Variants in NRXN1 observed in about 807,000 individuals in gnomAD.
NRXN1 encodes neurexin 1.
In NRXN1, 39 loss-of-function variants were observed where a neutral mutation model predicts 150.9. That is an observed-to-expected ratio of 0.26 (90% CI 0.20 to 0.34). NRXN1 has a LOEUF of 0.34. Among genes scored for constraint, NRXN1 ranks in the 10% least tolerant of loss-of-function variants. The pLI, the probability that NRXN1 is intolerant of heterozygous loss-of-function variation, is 1.00. For missense variants in NRXN1, 1,815 were observed against 1,949.9 expected, an observed-to-expected ratio of 0.93 and a Z score of 1.30; for synonymous variants, 924 against 757.0, an observed-to-expected ratio of 1.22 and a Z score of -3.62.
Position 51,021,693 on chromosome 2 carries a change from G to A in NRXN1, c.772+5809C>T, listed in dbSNP as rs1236579405. 3.3e-5 allele frequency among the ~76,000 whole-genome samples: 5 copies of A among 152,010 alleles called. No individual in the cohort carries two copies. In the East Asian group the frequency reaches 5.8e-4, roughly 18 times the overall value. On this transcript the variant is annotated intron_variant, in intron 2 of 22. Transcript: ENST00000401669. Reference sequence around the variant, plus strand: ...ATGTGTAAATAACTTTAATGTATAAGAGAGTCTCAAAGACAAGTTATAAAT... The same window carrying A: ...ATGTGTAAATAACTTTAATGTATAAAAGAGTCTCAAAGACAAGTTATAAAT...
intron 5 of NRXN1, among the ~76,000 whole-genome samples, chr2:50,908,935 C>T (rs1025183778): frequency 6.0e-4 from 91 of 151,976 alleles, no homozygotes; most frequent in African/African-American, 2.1e-3. Flanking sequence ...CCATGCTCTT[C>T]GACTTCCCAG....
chr2:50,854,399 T>C (rs1256308546), intron 5 of NRXN1, among the ~76,000 whole-genome samples: 2 of 151,974 alleles, frequency 1.3e-5, no homozygotes, highest in African/African-American at 4.8e-5. Context: ...AAAATACTAG[T>C]AAAACCCAAT....
Position 50,844,149 on chromosome 2 carries a change from T to G in NRXN1, c.832+77720A>C, listed in dbSNP as rs149647044. ...TACTAGTCTTGCAAGATCGGGTGTC[T>G]GGTGAGCAGGCACATCCAGGCAGTC... On this transcript the variant is annotated intron_variant, in intron 5 of 22. Coordinates refer to ENST00000401669, the MANE Select transcript of NRXN1 (RefSeq NM_001330078.2). Among the ~76,000 whole-genome samples the G allele has an allele frequency of 6.7e-4, 102 of 152,262 alleles. 1 individual carries two copies. In the East Asian group the frequency reaches 0.019, roughly 29 times the overall value.
intron 9 of NRXN1, among the ~76,000 whole-genome samples, chr2:50,541,580 G>T (rs2093389963): frequency 6.6e-6 from 1 of 152,142 alleles, no homozygotes; most frequent in African/African-American, 2.4e-5. Flanking sequence ...TGTGCTTGAT[G>T]ATATGGACAG....
chr2:50,995,648 G>A (rs1699165403), intron 2 of NRXN1, among the ~76,000 whole-genome samples: 1 of 150,940 alleles, frequency 6.6e-6, no homozygotes, highest in South Asian at 2.1e-4. Flanking sequence ...TAGACCTCAG[G>A]GTACTGTATT....
intron 21 of NRXN1, among the ~76,000 whole-genome samples, chr2:49,983,282 C>G (rs1019813730): frequency 6.6e-6 from 1 of 152,130 alleles, no homozygotes; most frequent in Non-Finnish European, 1.5e-5. Context: ...CAGCTTCTAG[C>G]ACAGGGGCTG....
chr2:50,687,062 C>T (rs1691340723), intron 5 of NRXN1, among the ~76,000 whole-genome samples: 1 of 152,158 alleles, frequency 6.6e-6, no homozygotes, highest in South Asian at 2.1e-4. Flanking sequence ...GAGAACACAT[C>T]TTTTATTAGA....
intron 8 of NRXN1, among the ~76,000 whole-genome samples, chr2:50,563,520 G>A (rs1669421131): frequency 6.6e-6 from 1 of 152,120 alleles, no homozygotes; most frequent in Admixed American, 6.6e-5. Flanking sequence ...GAGTTATCTG[G>A]TAAATGAGAT....
At chr2:51,021,921 G>A (rs1397709100) in intron 2 of NRXN1, among the ~76,000 whole-genome samples, 1 of 151,992 alleles carries the variant, frequency 6.6e-6, no homozygotes, top group African/African-American at 2.4e-5. Context: ...TTTGTGTTAA[G>A]TGCTTGCTAA....
intron 8 of NRXN1, chr2:50,616,524 G>A (rs976188954): frequency 7.9e-5 from 12 of 152,050 alleles, no homozygotes; most frequent in East Asian, 1.9e-4. Context: ...GTGTAAATTC[G>A]TGAGAGTGAT....
intron 5 of NRXN1, among the ~76,000 whole-genome samples, chr2:50,707,059 A>G (rs1694540868): frequency 6.6e-6 from 1 of 152,154 alleles, no homozygotes; most frequent in Admixed American, 6.6e-5. Context: ...GTCTGTAATG[A>G]TTCTGGTCAT....
chr2:50,306,356 C>T (rs1438160682), intron 17 of NRXN1, among the ~76,000 whole-genome samples: 1 of 152,158 alleles, frequency 6.6e-6, no homozygotes, highest in African/African-American at 2.4e-5. Flanking sequence ...CCTGAGACCC[C>T]TAAGAAAACA....
chr2:49,929,082 GC>G (rs1000100573), intron 22 of NRXN1, among the ~76,000 whole-genome samples: 9 of 152,106 alleles, frequency 5.9e-5, no homozygotes, highest in Non-Finnish European at 1.3e-4. Context: ...CAGTTAAGGG[GC>G]CACCACTCTG....
At chr2:50,451,770 G>A (rs928015118) in intron 17 of NRXN1, among the ~76,000 whole-genome samples, 1 of 152,052 alleles carries the variant, frequency 6.6e-6, no homozygotes, top group African/African-American at 2.4e-5. Flanking sequence ...GAGAACACAG[G>A]CATACATCTT....
At chr2:50,056,227 T>C (rs767668819) in intron 19 of NRXN1, among the ~76,000 whole-genome samples, 7 of 152,100 alleles carry the variant, frequency 4.6e-5, no homozygotes, top group Non-Finnish European at 7.4e-5. Flanking sequence ...ATGAATAGAT[T>C]TACATTTTAT....
intron 15 of NRXN1, among the ~76,000 whole-genome samples, chr2:50,488,017 A>T (rs961261154): frequency 6.6e-6 from 1 of 152,172 alleles, no homozygotes; most frequent in Admixed American, 6.5e-5. Flanking sequence ...TCAAGCACTT[A>T]TGAGTTTCAT....
Position 50,126,256 on chromosome 2 carries a change from T to G in NRXN1, c.3547-34762A>C, listed in dbSNP as rs143124922. Among the ~76,000 whole-genome samples, 129 of 152,194 alleles carry G rather than the reference T, an allele frequency of 8.5e-4. No homozygotes were observed. In the South Asian group the frequency reaches 0.016, roughly 19 times the overall value. ...GTGTGTTTGACTGACCCTGAATAAA[T>G]GTCAAGAAAAACACCTTTCCTATCT... On this transcript the variant is annotated intron_variant, in intron 18 of 22. Transcript: ENST00000401669.
chr2:50,467,065 G>A (rs1248431582), intron 16 of NRXN1, among the ~76,000 whole-genome samples: 1 of 151,674 alleles, frequency 6.6e-6, no homozygotes. Context: ...GAAGTAGGAA[G>A]GATGGAAGAA....
chr2:50,773,037 A>G (rs1331565220), intron 5 of NRXN1, among the ~76,000 whole-genome samples: 1 of 152,160 alleles, frequency 6.6e-6, no homozygotes, highest in African/African-American at 2.4e-5. Context: ...AATGTTATTA[A>G]TGAAAGGAAC....
Sources: gnomAD v4.1 joint callset for allele counts (sites outside exome capture counted in the v4.1 genomes callset) on GRCh38, gnomAD v4.1.1 for gene constraint, MANE v1.5 for transcripts, NCBI Gene and HGNC (gene_info 2026-07-23, HGNC 2026-07-21) for gene names.